The following SLTM variants were observed in gnomAD, a reference collection of about 807,000 sequenced individuals.
The protein encoded by SLTM is SAFB-like transcription modulator.
SLTM carries 43 observed loss-of-function variants against 134.6 expected under a neutral mutation model. That is an observed-to-expected ratio of 0.32 (90% confidence interval 0.25 to 0.41). SLTM has a LOEUF of 0.41. Ranked by LOEUF, SLTM falls within the 10% of genes least tolerant of loss-of-function variation. SLTM has a pLI of 1.00. For missense variants in SLTM, 1,055 were observed against 1,288.8 expected, an observed-to-expected ratio of 0.82 and a Z score of 2.78; for synonymous variants, 424 against 432.3, an observed-to-expected ratio of 0.98 and a Z score of 0.24.
chr15:58,922,476 T>C lies in SLTM; in HGVS notation c.251-5477A>G, dbSNP rs184914346. 2.3e-3 allele frequency among the ~76,000 whole-genome samples: 340 copies of C among 145,130 alleles called. 1 individual carries two copies. The highest frequency in any genetic ancestry group is 3.6e-3 in the Non-Finnish European group (243 of 66,658). On this transcript the variant is annotated intron_variant, in intron 2 of 20. Coordinates refer to ENST00000380516, the MANE Select transcript of SLTM (RefSeq NM_024755.4). The stretch of plus-strand genomic sequence containing the variant: ...TTTATATAATATATAATATGTATAG[T>C]ACATAATATACAATATGCATATTAT...
intron 2 of SLTM, among the ~76,000 whole-genome samples, chr15:58,927,658 T>C (rs1410501643): frequency 6.6e-6 from 1 of 151,918 alleles, no homozygotes; most frequent in Non-Finnish European, 1.5e-5. Flanking sequence ...ACTTATTACG[T>C]GCCATGCTCT....
At position 58,899,207 on chromosome 15, in the gene SLTM, T is replaced by TTA; in HGVS notation, c.1058+261_1058+262insTA. The TTA allele has an allele frequency of 2.2e-6, 1 of 450,252 alleles. No homozygotes were observed. The highest frequency in any genetic ancestry group is 2.1e-5 in the African/African-American group (1 of 48,606). 27.9% of individuals were successfully genotyped at this position (450,252 alleles called of 1,614,324 possible). On this transcript the variant is annotated intron_variant, in intron 7 of 20. Coordinates refer to ENST00000380516, the MANE Select transcript of SLTM (RefSeq NM_024755.4). This position sits in a 1 kb window ranked among gnomAD's most constrained non-coding sequence, Gnocchi z 5.0. ...ATAAAACACAAAAAAATTGTCAATTTGAAAAAAAAAAACAAAAAACAAAAA... is the reference window on the plus strand; with the variant it reads ...ATAAAACACAAAAAAATTGTCAATTTTAGAAAAAAAAAAACAAAAAACAAAAA...
intron 17 of SLTM, among the ~76,000 whole-genome samples, chr15:58,888,008 G>A (rs35409739): frequency 0.067 from 10,156 of 152,140 alleles, 442 homozygotes; most frequent in Non-Finnish European, 0.1. Context: ...AAAATTAGCC[G>A]GGCATGGTGG....
chr15:58,928,248 C>G, intron 2 of SLTM, among the ~76,000 whole-genome samples: 1 of 152,150 alleles, frequency 6.6e-6, no homozygotes, highest in Non-Finnish European at 1.5e-5. Context: ...ATGCCAGCAT[C>G]AGGTAAACCA....
At chr15:58,886,623 T>C (rs2034232602) in intron 19 of SLTM, among the ~76,000 whole-genome samples, 1 of 152,138 alleles carries the variant, frequency 6.6e-6, no homozygotes, top group Non-Finnish European at 1.5e-5. Context: ...GGCCAAAGAT[T>C]TCAGATGCAG....
rs2034499299 is a variant in SLTM, at chr15:58,889,545, T to TA, written c.2088dup (p.Lys697Ter). On this transcript the variant is annotated frameshift_variant, in exon 16 of 21. Coordinates refer to ENST00000380516, the MANE Select transcript of SLTM (RefSeq NM_024755.4). LOFTEE classifies it high-confidence loss of function. Reference sequence around the variant, plus strand: ...TCTCGAGCAATCCGTTCAGCTTCCTTACGACGTTCCTTCAGACAACACAGA... The same window carrying TA: ...TCTCGAGCAATCCGTTCAGCTTCCTTAACGACGTTCCTTCAGACAACACAGA... 6.2e-7 allele frequency: 1 copy of TA among 1,613,912 alleles called. No homozygotes were observed. The highest frequency in any genetic ancestry group is 8.5e-7 in the Non-Finnish European group (1 of 1,179,910).
intron 2 of SLTM, among the ~76,000 whole-genome samples, chr15:58,927,487 T>G (rs1420253175): frequency 6.6e-6 from 1 of 152,184 alleles, no homozygotes; most frequent in Non-Finnish European, 1.5e-5. Flanking sequence ...GCCAGTCTGG[T>G]CTCAAACTCC....
chr15:58,889,084 AATCT>A (rs1162840821), intron 16 of SLTM: 3 of 223,484 alleles, frequency 1.3e-5, no homozygotes, highest in East Asian at 1.0e-4. Flanking sequence ...CACACAATAG[AATCT>A]ATCTTTCAAT....
intron 2 of SLTM, among the ~76,000 whole-genome samples, chr15:58,929,718 T>G (rs986138435): frequency 2.2e-4 from 34 of 151,810 alleles, no homozygotes; most frequent in African/African-American, 8.2e-4. Flanking sequence ...GCACCCGGCC[T>G]AAAATAATCT....
chr15:58,917,634 G>A (rs2036737728), intron 2 of SLTM, among the ~76,000 whole-genome samples: 1 of 152,198 alleles, frequency 6.6e-6, no homozygotes, highest in Non-Finnish European at 1.5e-5. Context: ...CTGATTTAAG[G>A]CATGCAGAAA....
intron 2 of SLTM, among the ~76,000 whole-genome samples, chr15:58,926,415 GATCAAC>G (rs2141228015): frequency 6.6e-6 from 1 of 152,178 alleles, no homozygotes; most frequent in African/African-American, 2.4e-5. Flanking sequence ...ACACAACTTA[GATCAAC>G]ATGTGTTGTA....
intron 2 of SLTM, 60 bp from the exon 3 acceptor site, chr15:58,917,059 A>C: frequency 6.6e-7 from 1 of 1,523,546 alleles, no homozygotes; most frequent in South Asian, 1.1e-5. Flanking sequence ...AACAAAAAAT[A>C]TTCAGAGTTT....
intron 2 of SLTM, among the ~76,000 whole-genome samples, chr15:58,920,919 C>T (rs1222932957): frequency 1.3e-5 from 2 of 152,060 alleles, no homozygotes; most frequent in African/African-American, 4.8e-5. Flanking sequence ...TGCACCAGTG[C>T]ACTCTAGCCT....
chr15:58,923,997 T>A (rs182810872), intron 2 of SLTM, among the ~76,000 whole-genome samples: 1 of 151,944 alleles, frequency 6.6e-6, no homozygotes, highest in Non-Finnish European at 1.5e-5. Context: ...GTATTTTTAA[T>A]AGAGACAGGG....
intron 3 of SLTM, 182 bp from the exon 4 acceptor site, chr15:58,913,878 T>A (rs2036451330): frequency 2.1e-6 from 1 of 479,232 alleles, no homozygotes; most frequent in Non-Finnish European, 3.7e-6. Flanking sequence ...AATACCAAGA[T>A]CATCAAACAC....
At chr15:58,927,101 A>G (rs975521414) in intron 2 of SLTM, among the ~76,000 whole-genome samples, 6 of 152,200 alleles carry the variant, frequency 3.9e-5, no homozygotes, top group Admixed American at 3.3e-4. Context: ...TTACATATCA[A>G]TGTGTAAGGA....
At chr15:58,887,631 G>T in intron 17 of SLTM, 91 bp from the exon 18 acceptor site, 1 of 1,499,192 alleles carries the variant, frequency 6.7e-7, no homozygotes, top group Non-Finnish European at 8.9e-7. Context: ...CTACAATAAT[G>T]AAACCAAAAA....
intron 19 of SLTM, among the ~76,000 whole-genome samples, chr15:58,886,427 C>A (rs1189419801): frequency 4.6e-5 from 7 of 151,870 alleles, no homozygotes; most frequent in African/African-American, 1.7e-4. Context: ...CCACCACGCC[C>A]GGCTAATTTT....
intron 2 of SLTM, among the ~76,000 whole-genome samples, chr15:58,925,861 T>A (rs2037417338): frequency 6.6e-6 from 1 of 152,096 alleles, no homozygotes; most frequent in Non-Finnish European, 1.5e-5. Context: ...ATTCTACCAG[T>A]AAAAAGAAAA....
Sources: gnomAD v4.1 joint callset for allele counts (sites outside exome capture counted in the v4.1 genomes callset) on GRCh38, gnomAD v4.1.1 for gene constraint, Gnocchi (gnomAD v3.1) non-coding constraint, MANE v1.5 for transcripts, NCBI Gene and HGNC (gene_info 2026-07-23, HGNC 2026-07-21) for gene names.